The following TBL1X variants were observed in gnomAD, a reference collection of about 807,000 sequenced individuals.
The protein encoded by TBL1X is transducin beta like 1 X-linked, also known as F-box-like/WD repeat-containing protein TBL1X.
In TBL1X, 10 loss-of-function variants were observed where a neutral mutation model predicts 50.7. That is an observed-to-expected ratio of 0.20 (90% CI 0.12 to 0.33). The LOEUF is 0.33. Among genes scored for constraint, TBL1X ranks in the 10% least tolerant of loss-of-function variants. TBL1X has a pLI of 1.00. For synonymous variants in TBL1X, 190 were observed against 214.7 expected (o/e 0.88, Z 1.01); for missense variants, 340 against 504.4 (o/e 0.67, Z 3.12).
At chrX:9,502,003 G>T (rs747793188) in intron 2 of TBL1X, among the ~76,000 whole-genome samples, 154 bp downstream of exon 2, 2 of 112,301 alleles carry the variant, frequency 1.8e-5, no homozygotes, top group South Asian at 7.4e-4. Flanking sequence ...GCAATTTCCA[G>T]TATGGTAGCC....
intron 1 of TBL1X, among the ~76,000 whole-genome samples, chrX:9,478,129 C>A (rs1377254195): frequency 8.9e-6 from 1 of 111,752 alleles, no homozygotes; most frequent in Admixed American, 9.5e-5. Context: ...ATGTGAAACT[C>A]TGTAGGAAGT....
chrX:9,502,091 C>G (rs746491322), intron 2 of TBL1X, among the ~76,000 whole-genome samples: 2 of 112,839 alleles, frequency 1.8e-5, no homozygotes, highest in African/African-American at 6.4e-5. Context: ...ATAAAATACA[C>G]ACTGGATTTC....
chrX:9,648,888 AG>A (rs776228865), intron 3 of TBL1X, among the ~76,000 whole-genome samples: 1 of 112,438 alleles, frequency 8.9e-6, no homozygotes, highest in African/African-American at 3.2e-5. Context: ...AAAAAAGAGG[AG>A]GAGGAGGAAT....
chrX:9,468,496 C>G (rs2081791381), intron 1 of TBL1X, among the ~76,000 whole-genome samples: 1 of 111,516 alleles, frequency 9.0e-6, no homozygotes, highest in Non-Finnish European at 1.9e-5. Context: ...AGGAAAAGGG[C>G]TCCCAGAGTG....
chrX:9,708,515 C>T (rs2083223983), intron 13 of TBL1X, among the ~76,000 whole-genome samples: 1 of 111,464 alleles, frequency 9.0e-6, no homozygotes. Context: ...TTACCCCTCC[C>T]TCCGCCTCCA....
intron 3 of TBL1X, among the ~76,000 whole-genome samples, chrX:9,641,537 G>C (rs189616059): frequency 8.9e-6 from 1 of 112,308 alleles, no homozygotes; most frequent in Admixed American, 9.5e-5. Context: ...GAACCAACTA[G>C]AACTAAAATG....
rs1177388974 is a variant in TBL1X at position 9,718,479 on chromosome X, G to C, written c.*2233G>C. 8.9e-6 allele frequency: 1 copy of C among 111,902 alleles called. No individual in the cohort carries two copies. The highest frequency in any genetic ancestry group is 1.9e-5 in the Non-Finnish European group (1 of 53,166). 9.2% of individuals were successfully genotyped at this position (111,902 alleles called of 1,213,427 possible). ...GTCGCCGCACCCATCTTTGAAGATA[G>C]CCAGTGTCCCTGGATGAGGTGATGA... is the stretch of plus-strand genomic sequence containing the variant. On this transcript the variant is annotated 3_prime_UTR_variant, in exon 18 of 18. Coordinates refer to ENST00000645353, the MANE Select transcript of TBL1X (RefSeq NM_005647.4).
chrX:9,687,413 C>T (rs1004893373), intron 6 of TBL1X, among the ~76,000 whole-genome samples: 6 of 111,822 alleles, frequency 5.4e-5, no homozygotes, highest in African/African-American at 2.0e-4. Context: ...GCTTCTGAAG[C>T]GTTACCCTCC....
At chrX:9,698,893 G>T (rs2083150789) in intron 12 of TBL1X, among the ~76,000 whole-genome samples, 1 of 19,065 alleles carries the variant, frequency 5.2e-5, no homozygotes, top group Admixed American at 8.3e-4. Flanking sequence ...AGCCAGGCCA[G>T]GCCACATGCG....
At chrX:9,497,829 TTTTTC>T (rs1319723739) in intron 1 of TBL1X, among the ~76,000 whole-genome samples, 3 of 78,934 alleles carry the variant, frequency 3.8e-5, no homozygotes, top group African/African-American at 1.3e-4. Flanking sequence ...GTTTCTTTCT[TTTTTC>T]TTTTCTTTCT....
At position 9,598,914 on chromosome X, in the gene TBL1X, T is replaced by TTTTG. The variant is rs1555898908; in HGVS notation, c.-130-41356_-130-41355insGTTT. ...CAAATTTCCATCCCCCTACCTTTTT[T>TTTTG]TTTTGTTTTGTTTTGTTTTGTTTTG... is the stretch of plus-strand genomic sequence containing the variant. On this transcript the variant is annotated intron_variant, in intron 2 of 17. Transcript: ENST00000645353. Among the ~76,000 whole-genome samples the TTTTG allele has an allele frequency of 1.9e-3, 189 of 98,360 alleles. 1 individual carries two copies. The highest frequency in any genetic ancestry group is 6.9e-3 in the African/African-American group (176 of 25,542). 85.4% of individuals were successfully genotyped at this position (98,360 alleles called of 115,157 possible). A position where few individuals can be genotyped will look rare whatever the true frequency, so the allele number is the denominator to read the frequency against.
intron 5 of TBL1X, among the ~76,000 whole-genome samples, chrX:9,667,259 C>G (rs1368295407): frequency 1.8e-5 from 2 of 111,200 alleles, no homozygotes; most frequent in Non-Finnish European, 3.8e-5. Context: ...AGACTCCGTT[C>G]CCCCCTACCC....
intron 2 of TBL1X, among the ~76,000 whole-genome samples, chrX:9,524,478 C>T (rs1045358018): frequency 2.7e-5 from 3 of 112,153 alleles, no homozygotes; most frequent in Admixed American, 1.9e-4. Flanking sequence ...GAATCCTACA[C>T]TATGTGTCTT....
intron 2 of TBL1X, among the ~76,000 whole-genome samples, chrX:9,547,556 G>T (rs931732728): frequency 9.0e-6 from 1 of 110,564 alleles, no homozygotes; most frequent in Non-Finnish European, 1.9e-5. Flanking sequence ...TTGACCTCAA[G>T]TTCTCCACCC....
Position 9,465,981 on chromosome X carries a change from G to A in TBL1X, c.-201+534G>A, listed in dbSNP as rs749119027. On this transcript the variant is annotated intron_variant, in intron 1 of 17. Coordinates refer to ENST00000645353, the MANE Select transcript of TBL1X (RefSeq NM_005647.4). ...TCGCGGAGTGGGGCAAGCGGCGGGC[G>A]AGGTGGCGCGGGCCCCGTGTCTGCT... 4.9e-3 allele frequency among the ~76,000 whole-genome samples: 559 copies of A among 113,140 alleles called. 4 individuals are homozygous for A. Among genetic ancestry groups the A allele is most frequent in the African/African-American group, 0.017 (534 of 31,305 alleles).
chrX:9,676,309 C>G (rs1241543784), intron 5 of TBL1X, among the ~76,000 whole-genome samples: 1 of 111,782 alleles, frequency 8.9e-6, no homozygotes, highest in Non-Finnish European at 1.9e-5. Context: ...TTCCAGGAAG[C>G]AGCACCCCCT....
chrX:9,471,484 C>T (rs1435593459), intron 1 of TBL1X, among the ~76,000 whole-genome samples: 2 of 112,319 alleles, frequency 1.8e-5, no homozygotes, highest in Non-Finnish European at 3.8e-5. Context: ...TTAAGGATGA[C>T]GGTTTTATGT....
At chrX:9,547,997 A>G (rs771348192) in intron 2 of TBL1X, among the ~76,000 whole-genome samples, 5 of 103,173 alleles carry the variant, frequency 4.8e-5, no homozygotes, top group South Asian at 9.6e-4. Flanking sequence ...GGACACAAAA[A>G]AAGGTTTCAG....
At chrX:9,584,688 A>G (rs756094717) in intron 2 of TBL1X, among the ~76,000 whole-genome samples, 2 of 112,553 alleles carry the variant, frequency 1.8e-5, no homozygotes, top group South Asian at 7.4e-4. Context: ...TGGTAAAAGT[A>G]TAGATATTCA....
Sources: gnomAD v4.1 joint callset for allele counts (sites outside exome capture counted in the v4.1 genomes callset) on GRCh38, gnomAD v4.1.1 for gene constraint, MANE v1.5 for transcripts, NCBI Gene and HGNC (gene_info 2026-07-23, HGNC 2026-07-21) for gene names.